PAWR: variants seen among roughly 807,000 people sequenced by gnomAD.
PAWR encodes PRKC apoptosis WT1 regulator protein.
A neutral mutation model predicts 32.0 loss-of-function variants in PAWR; 23 were observed. The observed-to-expected ratio is 0.72, with a 90% CI of 0.52 to 1.02. The LOEUF (loss-of-function observed/expected upper bound fraction) is 1.02. Among genes scored for constraint, PAWR ranks in the 50% least tolerant of loss-of-function variants. The pLI is 0.00. For synonymous variants in PAWR, 226 were observed against 187.1 expected (o/e 1.21, Z -1.70); for missense variants, 457 against 437.7 (o/e 1.04, Z -0.39).
At chr12:79,597,342 G>C (rs1470845294) in intron 4 of PAWR, among the ~76,000 whole-genome samples, 2 of 152,172 alleles carry the variant, frequency 1.3e-5, no homozygotes, top group African/African-American at 4.8e-5. Context: ...TAGGATTACA[G>C]ATGTGAGCAT....
At position 79,671,418 on chromosome 12, in the gene PAWR, G is replaced by A. The variant is rs114451431; in HGVS notation, c.516+18311C>T. 5.6e-3 allele frequency among the ~76,000 whole-genome samples: 859 copies of A among 152,274 alleles called. 10 individuals carry two copies. The highest frequency in any genetic ancestry group is 9.5e-3 in the Non-Finnish European group (645 of 68,018). On this transcript the variant is annotated intron_variant, in intron 2 of 6. Coordinates refer to ENST00000328827, the MANE Select transcript of PAWR (RefSeq NM_002583.4). The stretch of plus-strand genomic sequence containing the variant: ...AACATAGCCCTTATGTGTAGTTAGC[G>A]TAGAAGTAGCTTCTCTAAATTCAAA...
intron 2 of PAWR, among the ~76,000 whole-genome samples, 181 bp from the exon 3 acceptor site, chr12:79,621,388 C>T (rs1259169535): frequency 6.6e-6 from 1 of 152,136 alleles, no homozygotes; most frequent in Admixed American, 6.5e-5. Context: ...CTGCTTAAAA[C>T]TTGTACTTCC....
chr12:79,640,900 T>G (rs1342882023), intron 2 of PAWR, among the ~76,000 whole-genome samples: 1 of 152,216 alleles, frequency 6.6e-6, no homozygotes, highest in Non-Finnish European at 1.5e-5. Context: ...GGATGAGAGC[T>G]TGTGAGTTAT....
At chr12:79,636,113 C>T (rs945503720) in intron 2 of PAWR, among the ~76,000 whole-genome samples, 4 of 152,078 alleles carry the variant, frequency 2.6e-5, no homozygotes, top group Non-Finnish European at 4.4e-5. Flanking sequence ...ATAAACTTGA[C>T]TTAGAAATCT....
chr12:79,669,949 C>T (rs71463832), intron 2 of PAWR, among the ~76,000 whole-genome samples: 1 of 152,144 alleles, frequency 6.6e-6, no homozygotes, highest in Non-Finnish European at 1.5e-5. Context: ...AATCCACCCT[C>T]CTCCACCTCC....
rs1321445463 is a variant in PAWR, at chr12:79,589,929, TAAA to T, written c.*2675_*2677del. 2 of 152,178 alleles carry T rather than the reference TAAA, an allele frequency of 1.3e-5. No individual in the cohort carries two copies. The highest frequency in any genetic ancestry group is 1.5e-5 in the Non-Finnish European group (1 of 68,016). 9.4% of individuals were successfully genotyped at this position (152,178 alleles called of 1,614,324 possible). On this transcript the variant is annotated 3_prime_UTR_variant, in exon 7 of 7. Transcript: ENST00000328827. Reference sequence around the variant, plus strand: ...TCTTTTAGGGTAGTGCACATGTACTTAAAAACTACCTTCTACCAATCTCAACAC... The same window carrying T: ...TCTTTTAGGGTAGTGCACATGTACTTAACTACCTTCTACCAATCTCAACAC...
chr12:79,659,184 C>T (rs1678629277), intron 2 of PAWR, among the ~76,000 whole-genome samples: 1 of 151,858 alleles, frequency 6.6e-6, no homozygotes. Context: ...GTAGTCCCAG[C>T]TACTTGGGCT....
At chr12:79,618,825 G>A (rs1210187857) in intron 3 of PAWR, among the ~76,000 whole-genome samples, 1 of 151,744 alleles carries the variant, frequency 6.6e-6, no homozygotes, top group Non-Finnish European at 1.5e-5. Flanking sequence ...CTATATTTCT[G>A]TAGCCACAAC....
intron 2 of PAWR, among the ~76,000 whole-genome samples, chr12:79,637,925 T>C (rs1213195748): frequency 6.6e-6 from 1 of 152,178 alleles, no homozygotes; most frequent in Admixed American, 6.5e-5. Context: ...GGATATCCCA[T>C]TTTGAAGTGT....
chr12:79,680,389 C>G (rs994222161), intron 2 of PAWR, among the ~76,000 whole-genome samples: 2 of 152,186 alleles, frequency 1.3e-5, no homozygotes, highest in Non-Finnish European at 2.9e-5. Context: ...AAGCTGGGAT[C>G]CTTCTAACAC....
chr12:79,690,127 C>A lies in PAWR; in HGVS notation c.118G>T (p.Ala40Ser). ...TCGCTGCTGCCCCCTCCCGGGGGGG[C>A]CGGGCCCGGGGGGTTCTGCTTGGCG... ...MRAKQNPPGP[A>S]PPGGGSSDAA... is the part of the protein sequence containing the mutation. Residue 40 changes from alanine (A) to serine (S), a missense_variant, in exon 2 of 7, where the codon GCC becomes TCC. Coordinates refer to ENST00000328827, the MANE Select transcript of PAWR (RefSeq NM_002583.4). 6.7e-7 allele frequency: 1 copy of A among 1,503,070 alleles called. No homozygotes were observed. The highest frequency in any genetic ancestry group is 8.9e-7 in the Non-Finnish European group (1 of 1,128,442). The allele number at this position is 1,503,070 out of a possible 1,614,324, so 93.1% of individuals were successfully genotyped here.
At chr12:79,659,849 G>T (rs1877265799) in intron 2 of PAWR, among the ~76,000 whole-genome samples, 1 of 151,892 alleles carries the variant, frequency 6.6e-6, no homozygotes, top group Non-Finnish European at 1.5e-5. Context: ...GAAATATTTG[G>T]ATTTAAAAGA....
intron 2 of PAWR, among the ~76,000 whole-genome samples, chr12:79,666,924 G>C (rs1220768709): frequency 6.6e-6 from 1 of 152,160 alleles, no homozygotes; most frequent in Non-Finnish European, 1.5e-5. Context: ...AATAAATCTT[G>C]GGACCCCAAA....
intron 3 of PAWR, among the ~76,000 whole-genome samples, chr12:79,620,754 G>A (rs1272873058): frequency 6.6e-6 from 1 of 152,158 alleles, no homozygotes; most frequent in East Asian, 1.9e-4. Flanking sequence ...AGTCTGGCCT[G>A]GAGTTGTCAA....
At chr12:79,660,887 G>C (rs552796839) in intron 2 of PAWR, among the ~76,000 whole-genome samples, 20 of 151,564 alleles carry the variant, frequency 1.3e-4, no homozygotes, top group African/African-American at 4.8e-4. Context: ...GCCAGCCACT[G>C]TATTTTTTTT....
Position 79,654,015 on chromosome 12 carries a change from T to A in PAWR, c.517-32808A>T, listed in dbSNP as rs186951274. 5.3e-5 allele frequency among the ~76,000 whole-genome samples: 8 copies of A among 152,266 alleles called. No individual in the cohort carries two copies. In the East Asian group the frequency reaches 1.5e-3, roughly 29 times the overall value. ...TGGAGGTACTACTGTGTCTGAATGA[T>A]ATAAAATCTTCCTATAATAGCCAAA... On this transcript the variant is annotated intron_variant, in intron 2 of 6. Transcript: ENST00000328827.
intron 4 of PAWR, among the ~76,000 whole-genome samples, chr12:79,607,960 A>G (rs926682860): frequency 6.6e-6 from 1 of 151,392 alleles, no homozygotes; most frequent in Admixed American, 6.6e-5. Context: ...GAGGCAGGAG[A>G]ATCACTTGAA....
intron 2 of PAWR, among the ~76,000 whole-genome samples, chr12:79,684,762 A>G (rs1052320957): frequency 6.6e-6 from 1 of 152,212 alleles, no homozygotes; most frequent in Non-Finnish European, 1.5e-5. Flanking sequence ...CACTTCATCT[A>G]TGTTCTATAA....
intron 4 of PAWR, among the ~76,000 whole-genome samples, chr12:79,600,360 A>G (rs1416789184): frequency 6.6e-6 from 1 of 152,188 alleles, no homozygotes; most frequent in African/African-American, 2.4e-5. Context: ...ATAAAATTCT[A>G]AAGAATGAAA....
Sources: allele counts gnomAD v4.1 joint callset (sites outside exome capture counted in the v4.1 genomes callset), GRCh38; gene constraint gnomAD v4.1.1; transcripts MANE v1.5; gene names NCBI Gene and HGNC (gene_info 2026-07-23, HGNC 2026-07-21).